The following POLR3B variants were observed in gnomAD, a reference collection of about 807,000 sequenced individuals.
The protein encoded by POLR3B is DNA-directed RNA polymerase III subunit RPC2.
A neutral mutation model predicts 147.4 loss-of-function variants in POLR3B; 96 were observed. The ratio of observed to expected loss-of-function variants is 0.65; its 90% confidence interval spans 0.55 to 0.77. POLR3B has a LOEUF of 0.77. Ranked by LOEUF, POLR3B falls within the 30% of genes least tolerant of loss-of-function variation. The probability of loss-of-function intolerance (pLI) is 0.00; values close to 1 mark genes in which losing one functional copy is unlikely to be tolerated. For synonymous variants in POLR3B, 461 were observed against 485.9 expected, an observed-to-expected ratio of 0.95 and a Z score of 0.67; for missense variants, 1,036 against 1,413.5, an observed-to-expected ratio of 0.73 and a Z score of 4.28.
chr12:106,402,510 C>G (rs574176811), intron 10 of POLR3B, among the ~76,000 whole-genome samples: 8 of 152,336 alleles, frequency 5.3e-5, no homozygotes, highest in Admixed American at 4.6e-4. Flanking sequence ...CAAGTCAATT[C>G]TAAGCCCAAA....
intron 19 of POLR3B, among the ~76,000 whole-genome samples, chr12:106,446,467 G>C (rs570742712): frequency 6.6e-6 from 1 of 150,742 alleles, no homozygotes; most frequent in East Asian, 1.9e-4. Context: ...GTGGCAATGA[G>C]TATCTGAAAC....
At chr12:106,429,825 A>G (rs141342088) in intron 13 of POLR3B, among the ~76,000 whole-genome samples, 7 of 152,348 alleles carry the variant, frequency 4.6e-5, no homozygotes, top group African/African-American at 1.7e-4. Flanking sequence ...TCTTAAGACT[A>G]ACTTTGGAAA....
In POLR3B at chr12:106,504,072, G is replaced by C. The variant is rs1285947460; in HGVS notation, c.3099-9G>C. 1 of 1,613,162 alleles carries C rather than the reference G, an allele frequency of 6.2e-7. No homozygotes were observed. Reference sequence around the variant, plus strand: ...TAATAACACATTTGTCTAATAACTTGTTTCAAAGGCAACCCACTGAAGGAC... The same window carrying C: ...TAATAACACATTTGTCTAATAACTTCTTTCAAAGGCAACCCACTGAAGGAC... On this transcript the variant is annotated splice_polypyrimidine_tract_variant and intron_variant, in intron 26 of 27. Transcript: ENST00000228347. The surrounding 1 kb of genome is among the most constrained non-coding windows in gnomAD (Gnocchi z 4.6).
chr12:106,382,551 G>C lies in POLR3B; in HGVS notation c.723+2412G>C, dbSNP rs2036778371. ...GGGCTGCAGAATGGATGTTGTGTTA[G>C]CAAGCACAAAAACATTAATCTCCTT... On this transcript the variant is annotated intron_variant, in intron 9 of 27. Coordinates refer to ENST00000228347, the MANE Select transcript of POLR3B (RefSeq NM_018082.6). Among the ~76,000 whole-genome samples, 4 of 152,170 alleles carry C rather than the reference G, an allele frequency of 2.6e-5. 1 individual carries two copies. In the South Asian group the frequency reaches 8.3e-4, roughly 31 times the overall value.
intron 26 of POLR3B, among the ~76,000 whole-genome samples, chr12:106,502,402 C>T (rs1466536373): frequency 6.6e-6 from 1 of 152,220 alleles, no homozygotes; most frequent in African/African-American, 2.4e-5. Flanking sequence ...ATGAAACTCA[C>T]AGCTTAAGCA....
Position 106,501,313 on chromosome 12 carries a change from T to A in POLR3B, c.2985-10T>A. 1.9e-6 allele frequency: 3 copies of A among 1,565,610 alleles called. No homozygotes were observed. The highest frequency in any genetic ancestry group is 2.6e-6 in the Non-Finnish European group (3 of 1,135,670). On this transcript the variant is annotated splice_polypyrimidine_tract_variant and intron_variant, in intron 25 of 27. Coordinates refer to ENST00000228347, the MANE Select transcript of POLR3B (RefSeq NM_018082.6). ...GTTTCTTAACCCACAACAATTGATC[T>A]TTCTTTCAGTGAGCCCTTAGAAGCA...
intron 23 of POLR3B, among the ~76,000 whole-genome samples, chr12:106,469,883 C>T (rs1412491028): frequency 1.3e-5 from 2 of 152,138 alleles, no homozygotes; most frequent in Non-Finnish European, 1.5e-5. Flanking sequence ...GCCCTTAACA[C>T]TTTTTCCGTC....
intron 27 of POLR3B, among the ~76,000 whole-genome samples, chr12:106,508,695 G>T (rs969309439): frequency 2.1e-4 from 32 of 152,194 alleles, no homozygotes; most frequent in African/African-American, 7.5e-4. Flanking sequence ...GGAATATGAG[G>T]CAAAGTGGTT....
chr12:106,395,964 C>T (rs1022920120), intron 10 of POLR3B, among the ~76,000 whole-genome samples: 2 of 152,076 alleles, frequency 1.3e-5, no homozygotes, highest in African/African-American at 2.4e-5. Context: ...AGTGAGACTC[C>T]GTTTTTTATG....
intron 9 of POLR3B, among the ~76,000 whole-genome samples, chr12:106,387,955 A>T (rs1011111685): frequency 1.3e-5 from 2 of 152,190 alleles, no homozygotes; most frequent in Admixed American, 1.3e-4. Context: ...ACCAGAAAAG[A>T]CACATCATTT....
intron 19 of POLR3B, among the ~76,000 whole-genome samples, chr12:106,453,539 A>G (rs991781821): frequency 9.9e-5 from 15 of 152,042 alleles, no homozygotes; most frequent in African/African-American, 3.4e-4. Context: ...AGCTATTCAC[A>G]GGGGGAGAAA....
intron 6 of POLR3B, among the ~76,000 whole-genome samples, chr12:106,371,699 A>G (rs1347619746): frequency 6.9e-6 from 1 of 145,596 alleles, no homozygotes; most frequent in Non-Finnish European, 1.5e-5. Context: ...ACAAAAAACC[A>G]AACACCGTAT....
chr12:106,444,620 A>G lies in POLR3B; in HGVS notation c.2083+30A>G, dbSNP rs146502326. ...GATTTCCTTCTTGAAAGTTGGTTCT[A>G]AATACTTGGAAATACTTTTGGAAAA... On this transcript the variant is annotated intron_variant, in intron 19 of 27. Coordinates refer to ENST00000228347, the MANE Select transcript of POLR3B (RefSeq NM_018082.6). 4 of 1,606,394 alleles carry G rather than the reference A, an allele frequency of 2.5e-6. No homozygotes were observed. The African/African-American group carries it at 4.0e-5, about 16-fold the overall frequency.
At chr12:106,486,587 G>A (rs993496765) in intron 23 of POLR3B, among the ~76,000 whole-genome samples, 1 of 152,068 alleles carries the variant, frequency 6.6e-6, no homozygotes, top group Non-Finnish European at 1.5e-5. Flanking sequence ...CTTAAGATGG[G>A]CATCTTCTCA....
Position 106,504,404 on chromosome 12 carries a change from G to A in POLR3B, c.3272+150G>A, listed in dbSNP as rs2038652512. ...CTCATGCATGTATTCCTGTCATTGG[G>A]GATACTCTGTGTACATGTCTCATTT... is the stretch of plus-strand genomic sequence containing the variant. On this transcript the variant is annotated intron_variant, in intron 27 of 27. Coordinates refer to ENST00000228347, the MANE Select transcript of POLR3B (RefSeq NM_018082.6). The surrounding 1 kb of genome is among the most constrained non-coding windows in gnomAD (Gnocchi z 4.6). The A allele has an allele frequency of 1.4e-6, 1 of 730,822 alleles. No homozygotes were observed. The highest frequency in any genetic ancestry group is 2.6e-5 in the East Asian group (1 of 37,872). 45.3% of individuals were successfully genotyped at this position (730,822 alleles called of 1,614,324 possible). A position where few individuals can be genotyped will look rare whatever the true frequency, so the allele number is the denominator to read the frequency against.
At chr12:106,499,032 A>C (rs1404971376) in intron 25 of POLR3B, among the ~76,000 whole-genome samples, 1 of 152,242 alleles carries the variant, frequency 6.6e-6, no homozygotes, top group Non-Finnish European at 1.5e-5. Context: ...GCTTTTAAAA[A>C]TTGCCTATTA....
At position 106,433,769 on chromosome 12, in the gene POLR3B, C is replaced by T. The variant is rs771838685; in HGVS notation, c.1678C>T (p.Arg560Ter). 5.6e-6 allele frequency: 9 copies of T among 1,613,198 alleles called. No individual in the cohort carries two copies. Among genetic ancestry groups the T allele is most frequent in the Admixed American group, 3.3e-5 (2 of 59,990 alleles). ...CCACAAAAAGCTAGTGAATACATTT[C>T]GACTCATGAGAAGAGCAGGATATAT... ...RDHKKLVNTF[R>*]LMRRAGYINE... Residue 560 changes from arginine to a stop codon, truncating the protein, a stop_gained, in exon 16 of 28, where the codon CGA becomes TGA. Transcript: ENST00000228347. LOFTEE classifies it high-confidence loss of function.
chr12:106,463,483 A>G lies in POLR3B; in HGVS notation c.2576A>G (p.Lys859Arg), dbSNP rs766203968. The change falls in exon 23 of 28, where the codon AAA becomes AGA. Residue 859 changes from lysine to arginine, a missense_variant. By Grantham distance (26) the Lys-to-Arg change is conservative. Around this residue, in one of 12 missense-constraint regions of POLR3B, gnomAD observed 202 missense variants for 272.8 expected, o/e 0.74. Transcript: ENST00000228347. ...TGACTTTCTCTTAACACCAGCTACA[A>G]AGGAGCAACAGACTCATATATTGAA... ...PQYKDVPITY[K>R]GATDSYIEKV... 3 of 1,613,378 alleles carry G rather than the reference A, an allele frequency of 1.9e-6. No individual in the cohort carries two copies. The highest frequency in any genetic ancestry group is 2.2e-5 in the South Asian group (2 of 91,044).
At chr12:106,492,519 G>A (rs2038419799) in intron 23 of POLR3B, among the ~76,000 whole-genome samples, 1 of 152,222 alleles carries the variant, frequency 6.6e-6, no homozygotes, top group Admixed American at 6.5e-5. Context: ...CTGGACAAGA[G>A]AGTGAGACCC....
Sources: gnomAD v4.1 joint callset for allele counts (sites outside exome capture counted in the v4.1 genomes callset) on GRCh38, gnomAD v4.1.1 for gene constraint, gnomAD v4.1.1 regional missense constraint, Gnocchi (gnomAD v3.1) non-coding constraint, MANE v1.5 for transcripts, NCBI Gene and HGNC (gene_info 2026-07-23, HGNC 2026-07-21) for gene names.